Variants in DLG2 observed in about 807,000 individuals in gnomAD.
The protein encoded by DLG2 is disks large homolog 2.
DLG2 carries 45 observed loss-of-function variants against 132.5 expected under a neutral mutation model. The ratio of observed to expected loss-of-function variants is 0.34; its 90% CI spans 0.27 to 0.44. The LOEUF (loss-of-function observed/expected upper bound fraction) is 0.44, where lower values mean the gene tolerates loss of function less well. Ranked by LOEUF, DLG2 falls within the 20% of genes least tolerant of loss-of-function variation. The probability of loss-of-function intolerance (pLI) is 1.00; values close to 1 mark genes in which losing one functional copy is unlikely to be tolerated. For missense variants in DLG2, 1,045 were observed against 1,196.9 expected, an observed-to-expected ratio of 0.87 and a Z score of 1.87; for synonymous variants, 424 against 419.6, an observed-to-expected ratio of 1.01 and a Z score of -0.13.
chr11:84,257,728 G>A (rs2097497723), intron 7 of DLG2, among the ~76,000 whole-genome samples: 2 of 127,314 alleles, frequency 1.6e-5, no homozygotes, highest in African/African-American at 6.1e-5. Context: ...ACCTTGTCAT[G>A]CAGGCTGGAG....
chr11:84,489,747 T>C (rs1039754138), intron 7 of DLG2, among the ~76,000 whole-genome samples: 2 of 152,134 alleles, frequency 1.3e-5, no homozygotes, highest in Non-Finnish European at 2.9e-5. Flanking sequence ...TGACCTTTAA[T>C]GTTCACCTCA....
intron 7 of DLG2, among the ~76,000 whole-genome samples, chr11:84,400,948 A>G (rs1268916948): frequency 6.6e-6 from 1 of 152,002 alleles, no homozygotes; most frequent in Non-Finnish European, 1.5e-5. Context: ...CACCATCACC[A>G]ACTTCCTCCT....
chr11:84,044,438 A>G (rs2096190879), intron 11 of DLG2, among the ~76,000 whole-genome samples: 1 of 151,534 alleles, frequency 6.6e-6, no homozygotes, highest in Non-Finnish European at 1.5e-5. Context: ...GCCTAGAATT[A>G]TTTTGTTTTC....
At chr11:84,516,070 C>T (rs926507831) in intron 7 of DLG2, among the ~76,000 whole-genome samples, 1 of 151,030 alleles carries the variant, frequency 6.6e-6, no homozygotes, top group African/African-American at 2.4e-5. Flanking sequence ...CAAAAACCGA[C>T]AGAATACTGC....
At chr11:85,009,462 A>T (rs2058969045) in intron 6 of DLG2, among the ~76,000 whole-genome samples, 2 of 152,140 alleles carry the variant, frequency 1.3e-5, no homozygotes, top group South Asian at 2.1e-4. Context: ...TAGAATAATT[A>T]TCTGACAGTA....
At chr11:84,067,625 G>C (rs1410676870) in intron 10 of DLG2, among the ~76,000 whole-genome samples, 1 of 151,650 alleles carries the variant, frequency 6.6e-6, no homozygotes, top group Non-Finnish European at 1.5e-5. Flanking sequence ...ATAATGGCCT[G>C]CCATAATACA....
chr11:84,875,630 A>G (rs2086224482), intron 6 of DLG2, among the ~76,000 whole-genome samples: 1 of 152,166 alleles, frequency 6.6e-6, no homozygotes, highest in Admixed American at 6.5e-5. Context: ...ATTATTACCT[A>G]TCATCATCAA....
At chr11:85,102,390 C>T (rs1327393178) in intron 6 of DLG2, among the ~76,000 whole-genome samples, 1 of 151,898 alleles carries the variant, frequency 6.6e-6, no homozygotes, top group African/African-American at 2.4e-5. Context: ...ATAAGCAACT[C>T]AGAATCTTTA....
intron 7 of DLG2, among the ~76,000 whole-genome samples, chr11:84,403,711 T>C (rs1042970012): frequency 6.6e-6 from 1 of 152,200 alleles, no homozygotes; most frequent in Non-Finnish European, 1.5e-5. Context: ...TACTCTTCAA[T>C]CTATTTCTCA....
chr11:84,803,651 G>C (rs1279442694), intron 6 of DLG2, among the ~76,000 whole-genome samples: 2 of 152,170 alleles, frequency 1.3e-5, no homozygotes, highest in Non-Finnish European at 2.9e-5. Context: ...CCTTTTTGAG[G>C]ATATAAATGT....
At chr11:85,390,546 C>T (rs370402919) in intron 3 of DLG2, among the ~76,000 whole-genome samples, 6 of 151,366 alleles carry the variant, frequency 4.0e-5, no homozygotes, top group African/African-American at 1.2e-4. Flanking sequence ...AACTGCAGAA[C>T]AAGTCTCAAC....
At chr11:83,487,397 G>A (rs571407338) in intron 21 of DLG2, among the ~76,000 whole-genome samples, 4 of 152,116 alleles carry the variant, frequency 2.6e-5, no homozygotes, top group African/African-American at 9.6e-5. Context: ...TAATCTCCAT[G>A]CTAACTTCAT....
chr11:85,047,855 A>G (rs1297235382), intron 6 of DLG2, among the ~76,000 whole-genome samples: 3 of 151,962 alleles, frequency 2.0e-5, no homozygotes, highest in Non-Finnish European at 4.4e-5. Context: ...TAAATGTCAA[A>G]TAGACATTTC....
chr11:84,653,110 A>G (rs903830877), intron 6 of DLG2, among the ~76,000 whole-genome samples: 42 of 151,986 alleles, frequency 2.8e-4, no homozygotes, highest in African/African-American at 9.2e-4. Context: ...TTGTATTTTT[A>G]GTAGAGACAG....
chr11:85,474,444 T>C (rs944323873), intron 3 of DLG2, among the ~76,000 whole-genome samples: 1 of 151,926 alleles, frequency 6.6e-6, no homozygotes, highest in African/African-American at 2.4e-5. Context: ...AAAATATATT[T>C]CCATTAGTAA....
chr11:85,278,857 C>T (rs903372792), intron 4 of DLG2, among the ~76,000 whole-genome samples: 3 of 152,098 alleles, frequency 2.0e-5, no homozygotes, highest in African/African-American at 7.2e-5. Context: ...TACCCATTTT[C>T]TAACAGTATG....
chr11:85,002,528 T>C (rs955427032), intron 6 of DLG2, among the ~76,000 whole-genome samples: 1 of 152,184 alleles, frequency 6.6e-6, no homozygotes, highest in Non-Finnish European at 1.5e-5. Flanking sequence ...GGCCTTTTCC[T>C]TTTTTATCAT....
Position 85,484,242 on chromosome 11 carries a change from C to T in DLG2, c.40+114415G>A, listed in dbSNP as rs1047762399. Among the ~76,000 whole-genome samples, 5 of 119,140 alleles carry T rather than the reference C, an allele frequency of 4.2e-5. No homozygotes were observed. The South Asian group carries it at 1.3e-3, about 32-fold the overall frequency. 78.2% of individuals were successfully genotyped at this position (119,140 alleles called of 152,430 possible). A position where few individuals can be genotyped will look rare whatever the true frequency, so the allele number is the denominator to read the frequency against. ...CCTCCACCCGCCCTCCCTCTCCCAC[C>T]GCCCCTCCTCCTCCTCCCTAGGCAT... On this transcript the variant is annotated intron_variant, in intron 3 of 27. Transcript: ENST00000376104.
At chr11:83,522,260 G>T (rs2095500209) in intron 21 of DLG2, among the ~76,000 whole-genome samples, 1 of 152,086 alleles carries the variant, frequency 6.6e-6, no homozygotes. Context: ...TACCTGTTAA[G>T]ACTCTATTCA....
Sources: allele counts gnomAD v4.1 joint callset (sites outside exome capture counted in the v4.1 genomes callset), GRCh38; gene constraint gnomAD v4.1.1; transcripts MANE v1.5; gene names NCBI Gene and HGNC (gene_info 2026-07-23, HGNC 2026-07-21).